Variants in TRPC4 observed in about 807,000 individuals in gnomAD.
The protein encoded by TRPC4 is short transient receptor potential channel 4.
Under a neutral mutation model 99.4 loss-of-function variants are expected in TRPC4, and 49 were observed. The ratio of observed to expected loss-of-function variants is 0.49; its 90% CI spans 0.39 to 0.63. The LOEUF (loss-of-function observed/expected upper bound fraction) is 0.63. TRPC4 is among the 20% of genes least tolerant of loss of function. The probability of loss-of-function intolerance (pLI) is 0.00; values close to 1 mark genes in which losing one functional copy is unlikely to be tolerated. For synonymous variants in TRPC4, 454 were observed against 425.9 expected (o/e 1.07, Z -0.81); for missense variants, 898 against 1,152.9 (o/e 0.78, Z 3.20).
chr13:37,681,414 C>A (rs998518835), intron 4 of TRPC4, among the ~76,000 whole-genome samples: 3 of 151,980 alleles, frequency 2.0e-5, no homozygotes, highest in Non-Finnish European at 4.4e-5. Context: ...GATAAGATTG[C>A]CAATCAATGT....
At chr13:37,698,343 A>T (rs1953991249) in intron 3 of TRPC4, among the ~76,000 whole-genome samples, 1 of 150,652 alleles carries the variant, frequency 6.6e-6, no homozygotes, top group East Asian at 2.0e-4. Flanking sequence ...TTGTATTTTT[A>T]GTAGAGTCAG....
intron 7 of TRPC4, 61 bp from the exon 8 acceptor site, chr13:37,651,520 TCA>T: frequency 6.7e-7 from 1 of 1,485,596 alleles, no homozygotes; most frequent in Non-Finnish European, 9.3e-7. Context: ...ACCATAAATC[TCA>T]CAGAGATCCT....
intron 5 of TRPC4, among the ~76,000 whole-genome samples, chr13:37,665,133 C>T (rs1317950672): frequency 6.6e-6 from 1 of 152,082 alleles, no homozygotes; most frequent in African/African-American, 2.4e-5. Context: ...TTACCTAATT[C>T]TCTGCTCTTA....
intron 3 of TRPC4, among the ~76,000 whole-genome samples, chr13:37,695,617 A>G (rs9532102): frequency 0.037 from 5,639 of 152,308 alleles, 154 homozygotes; most frequent in Admixed American, 0.061. Context: ...TTAAAACACT[A>G]AAACTTTCAA....
chr13:37,737,726 C>T (rs1243543009), intron 3 of TRPC4, among the ~76,000 whole-genome samples: 2 of 152,158 alleles, frequency 1.3e-5, no homozygotes, highest in East Asian at 1.9e-4. Flanking sequence ...TGCCTTGCCT[C>T]GGCCTCCCAA....
At chr13:37,812,180 A>AAAAAAAAAAAAAAAAAAAC (rs1957711812) in intron 1 of TRPC4, among the ~76,000 whole-genome samples, 1 of 145,652 alleles carries the variant, frequency 6.9e-6, no homozygotes, top group African/African-American at 2.6e-5. Context: ...CTCTATCAAA[A>AAAAAAAAAAAAAAAAAAAC]AAAAAAAAAA....
intron 2 of TRPC4, among the ~76,000 whole-genome samples, chr13:37,774,455 C>A (rs1566161264): frequency 6.6e-6 from 1 of 151,724 alleles, no homozygotes; most frequent in Non-Finnish European, 1.5e-5. Flanking sequence ...TAAGAACACT[C>A]TTTTTAGGTG....
intron 3 of TRPC4, among the ~76,000 whole-genome samples, chr13:37,731,151 A>G (rs1955226584): frequency 6.6e-6 from 1 of 152,096 alleles, no homozygotes; most frequent in Admixed American, 6.6e-5. Flanking sequence ...ATTACATTAC[A>G]AGCAAGAAAA....
chr13:37,788,272 T>C (rs573347053), intron 1 of TRPC4, among the ~76,000 whole-genome samples: 16 of 152,288 alleles, frequency 1.1e-4, no homozygotes, highest in African/African-American at 3.8e-4. Context: ...CTTCCCTTCA[T>C]GTCACAAATC....
intron 2 of TRPC4, among the ~76,000 whole-genome samples, chr13:37,750,312 G>A (rs745397872): frequency 7.9e-5 from 12 of 152,042 alleles, no homozygotes; most frequent in East Asian, 5.8e-4. Flanking sequence ...AAGGAATAAC[G>A]TACATGTATG....
chr13:37,704,183 C>T (rs1001692174), intron 3 of TRPC4, among the ~76,000 whole-genome samples: 1 of 152,088 alleles, frequency 6.6e-6, no homozygotes, highest in African/African-American at 2.4e-5. Context: ...TGACAGGCAG[C>T]AGATCAACAG....
chr13:37,705,912 A>G (rs966948666), intron 3 of TRPC4, among the ~76,000 whole-genome samples: 3 of 151,872 alleles, frequency 2.0e-5, no homozygotes, highest in Admixed American at 2.0e-4. Flanking sequence ...GTATACTGAT[A>G]CATTTGCCTG....
At position 37,639,078 on chromosome 13, in the gene TRPC4, C is replaced by T. The variant is rs1049413548; in HGVS notation, c.2173G>A (p.Ala725Thr). ...TCGGTCAGGCCTTCTTCAGTTTTAG[C>T]ATCTCTAATCATTGCAGCAACGTAT... ...KRYVAAMIRD[A>T]KTEEGLTEEN... Residue 725 changes from alanine to threonine, a missense_variant, in exon 10 of 11, where the codon GCT (alanine) becomes ACT (threonine). Transcript: ENST00000379705. 6.2e-7 allele frequency: 1 copy of T among 1,613,652 alleles called. No homozygotes were observed.
At chr13:37,868,093 T>C (rs1040442645) in intron 1 of TRPC4, among the ~76,000 whole-genome samples, 3 of 152,180 alleles carry the variant, frequency 2.0e-5, no homozygotes, top group Non-Finnish European at 2.9e-5. Context: ...AAAATAGCTA[T>C]AAAATTCAAA....
chr13:37,702,547 T>C (rs1023453150), intron 3 of TRPC4, among the ~76,000 whole-genome samples: 1 of 152,190 alleles, frequency 6.6e-6, no homozygotes, highest in African/African-American at 2.4e-5. Flanking sequence ...TCTGGAAAAA[T>C]TGAAGAAATA....
chr13:37,821,208 A>ACACC (rs1555278010), intron 1 of TRPC4, among the ~76,000 whole-genome samples: 3,231 of 151,058 alleles, frequency 0.021, 98 homozygotes, highest in African/African-American at 0.074. Flanking sequence ...ACACACACAC[A>ACACC]CACACACACA....
rs1955764682 is a variant in TRPC4 at position 37,745,999 on chromosome 13, C to G, written c.835G>C (p.Glu279Gln). The G allele has an allele frequency of 6.2e-7, 1 of 1,613,702 alleles. No homozygotes were observed. The highest frequency in any genetic ancestry group is 1.7e-5 in the Admixed American group (1 of 59,976). ...LNYRDDNSLI[E>Q]EQSGNDLARL... Reference sequence around the variant, plus strand: ...GCAAGATCATTTCCACTTTGTTCTTCTATGAGACTATTGTCATCTCGGTAA... The same window carrying G: ...GCAAGATCATTTCCACTTTGTTCTTGTATGAGACTATTGTCATCTCGGTAA... Residue 279 changes from glutamate to glutamine, a missense_variant, in exon 3 of 11, where the codon GAA becomes CAA. Transcript: ENST00000379705.
chr13:37,728,349 A>C (rs1955129994), intron 3 of TRPC4, among the ~76,000 whole-genome samples: 1 of 152,152 alleles, frequency 6.6e-6, no homozygotes. Flanking sequence ...AGCAGAGTAC[A>C]AAGTCAACTC....
intron 5 of TRPC4, among the ~76,000 whole-genome samples, chr13:37,666,157 T>C (rs1570611): frequency 1 from 152,300 of 152,300 alleles, 76,150 homozygotes; most frequent in Non-Finnish European, 1. Flanking sequence ...GGGACCTTTG[T>C]CTCCCCAGAG....
Sources: gnomAD v4.1 joint callset for allele counts (sites outside exome capture counted in the v4.1 genomes callset) on GRCh38, gnomAD v4.1.1 for gene constraint, MANE v1.5 for transcripts, NCBI Gene and HGNC (gene_info 2026-07-23, HGNC 2026-07-21) for gene names.